CDK3: variants seen among roughly 807,000 people sequenced by gnomAD.
The protein encoded by CDK3 is cyclin-dependent kinase 3.
In CDK3, 24 loss-of-function variants were observed where a neutral mutation model predicts 30.2. The ratio of observed to expected loss-of-function variants is 0.79; its 90% CI spans 0.57 to 1.12. CDK3 has a LOEUF of 1.12. Among genes scored for constraint, CDK3 ranks in the 50% most tolerant of loss-of-function variants. The probability of loss-of-function intolerance (pLI) is 0.00; values close to 1 mark genes in which losing one functional copy is unlikely to be tolerated. For synonymous variants in CDK3, 158 were observed against 154.2 expected, an observed-to-expected ratio of 1.02 and a Z score of -0.18; for missense variants, 345 against 376.0, an observed-to-expected ratio of 0.92 and a Z score of 0.68.
At chr17:76,004,869 G>T (rs564058965) in intron 7 of CDK3, among the ~76,000 whole-genome samples, 1 of 152,172 alleles carries the variant, frequency 6.6e-6, no homozygotes, top group Non-Finnish European at 1.5e-5. Context: ...ACCACAGGGG[G>T]TCCTTCCACA....
In CDK3 at chr17:76,005,414, C is replaced by T; in HGVS notation, c.909C>T (p.Phe303=). The change falls in exon 8 of 8, where the codon TTC becomes TTT. Residue 303 remains phenylalanine, a synonymous_variant. Transcript: ENST00000448471. The surrounding 1 kb of genome is among the most constrained non-coding windows in gnomAD (Gnocchi z 4.7). ...PAARQYVLQR[F]RH ...CCCGCCAGTATGTGCTGCAGCGATT[C>T]CGCCATTGAGAATGTCAAGGCCACA... is the stretch of plus-strand genomic sequence containing the variant. 6.2e-7 allele frequency: 1 copy of T among 1,613,214 alleles called. No homozygotes were observed. Among genetic ancestry groups the T allele is most frequent in the Middle Eastern group, 1.7e-4 (1 of 6,054 alleles).
intron 7 of CDK3, among the ~76,000 whole-genome samples, chr17:76,004,161 T>C (rs956042127): frequency 1.3e-5 from 2 of 151,730 alleles, no homozygotes; most frequent in South Asian, 2.1e-4. Context: ...ACCCCTCCTG[T>C]TGGTGTCTTG....
Position 76,002,634 on chromosome 17 carries a change from G to T in CDK3, c.588+22G>T. On this transcript the variant is annotated intron_variant, in intron 6 of 7. Coordinates refer to ENST00000448471, the MANE Select transcript of CDK3 (RefSeq NM_001258.4). The surrounding 1 kb of genome is among the most constrained non-coding windows in gnomAD (Gnocchi z 4.3). ...GATGGTAGAGAGAGGGGCACACATG[G>T]CCACAGGGTGCCACAGGCAGGGTCC... 1 of 789,120 alleles carries T rather than the reference G, an allele frequency of 1.3e-6. No individual in the cohort carries two copies. Among genetic ancestry groups the T allele is most frequent in the Non-Finnish European group, 2.3e-6 (1 of 426,316 alleles). 48.9% of individuals were successfully genotyped at this position (789,120 alleles called of 1,614,324 possible).
chr17:76,001,423 G>T lies in CDK3; in HGVS notation c.-3G>T, dbSNP rs1281852191. The T allele has an allele frequency of 6.2e-7, 1 of 1,614,064 alleles. No homozygotes were observed. The highest frequency in any genetic ancestry group is 1.1e-5 in the South Asian group (1 of 91,084). ...CTTCTGTTTCCCAGGCAGCTCTGTGGCCATGGATATGTTCCAGAAGGTAGA... is the reference window on the plus strand; with the variant it reads ...CTTCTGTTTCCCAGGCAGCTCTGTGTCCATGGATATGTTCCAGAAGGTAGA... On this transcript the variant is annotated 5_prime_UTR_variant, in exon 2 of 8. Transcript: ENST00000448471. The surrounding 1 kb of genome is among the most constrained non-coding windows in gnomAD (Gnocchi z 6.2).
Position 76,005,739 on chromosome 17 carries a change from GCCCTGCCTGCA to G in CDK3, c.*317_*327del, listed in dbSNP as rs771397577. Reference sequence around the variant, plus strand: ...GGTGTGGGTATTCAGGCCCTCACCTGCCCTGCCTGCAGGGCCAGACCCTGAGGAAAGGGCGC... The same window carrying G: ...GGTGTGGGTATTCAGGCCCTCACCTGGGGCCAGACCCTGAGGAAAGGGCGC... On this transcript the variant is annotated 3_prime_UTR_variant, in exon 8 of 8. Coordinates refer to ENST00000448471, the MANE Select transcript of CDK3 (RefSeq NM_001258.4). The surrounding 1 kb of genome is among the most constrained non-coding windows in gnomAD (Gnocchi z 4.7). 3,658 of 276,276 alleles carry G rather than the reference GCCCTGCCTGCA, an allele frequency of 0.013. 52 individuals carry two copies. Among genetic ancestry groups the G allele is most frequent in the Middle Eastern group, 0.025 (22 of 880 alleles). 17.1% of individuals were successfully genotyped at this position (276,276 alleles called of 1,614,324 possible). A position where few individuals can be genotyped will look rare whatever the true frequency, so the allele number is the denominator to read the frequency against.
In CDK3 at chr17:76,002,156, G is replaced by A. The variant is rs1224425115; in HGVS notation, c.315+14G>A. ...CACCTCATCAAGGTAGGGAAGGAAG[G>A]GCAGGGAAGGAGAGGTGACACCCCA... On this transcript the variant is annotated intron_variant, in intron 4 of 7. Transcript: ENST00000448471. The surrounding 1 kb of genome is among the most constrained non-coding windows in gnomAD (Gnocchi z 4.3). 1.9e-6 allele frequency: 3 copies of A among 1,613,662 alleles called. No individual in the cohort carries two copies. Among genetic ancestry groups the A allele is most frequent in the Admixed American group, 3.3e-5 (2 of 59,982 alleles).
chr17:76,001,482 C>T lies in CDK3; in HGVS notation c.57C>T (p.Tyr19=). The T allele has an allele frequency of 2.5e-6, 4 of 1,614,082 alleles. No homozygotes were observed. Among genetic ancestry groups the T allele is most frequent in the Non-Finnish European group, 3.4e-6 (4 of 1,179,950 alleles). The change falls in exon 2 of 8, where the codon TAC becomes TAT. Residue 19 remains tyrosine, a synonymous_variant. Coordinates refer to ENST00000448471, the MANE Select transcript of CDK3 (RefSeq NM_001258.4). This position sits in a 1 kb window ranked among gnomAD's most constrained non-coding sequence, Gnocchi z 6.2. ...KIGEGTYGVV[Y]KAKNRETGQL... is the part of the protein sequence containing the mutation. ...GAGAGGGCACCTATGGGGTGGTGTA[C>T]AAGGCCAAGAACAGGGAGACAGGGC...
intron 7 of CDK3, 71 bp downstream of exon 7, chr17:76,003,469 C>A: frequency 7.6e-7 from 1 of 1,319,334 alleles, no homozygotes; most frequent in Non-Finnish European, 1.1e-6. Flanking sequence ...CTTACATAAC[C>A]CTGGCACTTT....
chr17:76,001,200 G>A lies in CDK3; in HGVS notation c.-14-212G>A. On this transcript the variant is annotated intron_variant, in intron 1 of 7. Transcript: ENST00000448471. This position sits in a 1 kb window ranked among gnomAD's most constrained non-coding sequence, Gnocchi z 6.2. Reference sequence around the variant, plus strand: ...GTGAAGGGGGCCCCCTGACCCCCTTGGGGTCCGGGCTGGGCTGGGTGAGGG... The same window carrying A: ...GTGAAGGGGGCCCCCTGACCCCCTTAGGGTCCGGGCTGGGCTGGGTGAGGG... 7.2e-7 allele frequency: 1 copy of A among 1,393,944 alleles called. No homozygotes were observed. Among genetic ancestry groups the A allele is most frequent in the Non-Finnish European group, 9.3e-7 (1 of 1,073,186 alleles). The allele number at this position is 1,393,944 out of a possible 1,614,324, so 86.3% of individuals were successfully genotyped here.
intron 7 of CDK3, chr17:76,004,459 G>A (rs2066292899): frequency 6.6e-6 from 1 of 151,996 alleles, no homozygotes; most frequent in Non-Finnish European, 1.5e-5. Context: ...GGGCTCAATT[G>A]ATCCTCCCAC....
rs556171163 is a variant in CDK3, at chr17:76,002,043, C to T, written c.216C>T (p.Asn72=). ...NIVRLLDVVH[N]ERKLYLVFEF... is the part of the protein sequence containing the mutation. ...TCAGACTGCTGGACGTGGTGCACAA[C>T]GAGAGGAAGCTCTATCTGGTGTTTG... is the stretch of plus-strand genomic sequence containing the variant. Residue 72 remains asparagine, a synonymous_variant, in exon 4 of 8, where the codon AAC becomes AAT. Transcript: ENST00000448471. This position sits in a 1 kb window ranked among gnomAD's most constrained non-coding sequence, Gnocchi z 4.3. 74 of 1,613,924 alleles carry T rather than the reference C, an allele frequency of 4.6e-5. No individual in the cohort carries two copies. The East Asian group carries it at 7.4e-4, about 16-fold the overall frequency.
Position 76,001,879 on chromosome 17 carries a change from TGGAG to T in CDK3, c.125_128del (p.Glu42GlyfsTer16). The T allele has an allele frequency of 1.2e-6, 2 of 1,612,860 alleles. No homozygotes were observed. Among genetic ancestry groups the T allele is most frequent in the Non-Finnish European group, 1.7e-6 (2 of 1,179,114 alleles). The stretch of plus-strand genomic sequence containing the variant: ...TGTGCCCTTGTTTCTTGCAGGGAGA[TGGAG>T]GGGGTCCCAAGCACTGCCATCAGGG... On this transcript the variant is annotated frameshift_variant, in exon 3 of 8. Coordinates refer to ENST00000448471, the MANE Select transcript of CDK3 (RefSeq NM_001258.4). LOFTEE classifies it high-confidence loss of function. This position sits in a 1 kb window ranked among gnomAD's most constrained non-coding sequence, Gnocchi z 6.2.
Position 76,001,069 on chromosome 17 carries a change from G to C in CDK3, c.-15+102G>C. The stretch of plus-strand genomic sequence containing the variant: ...CGAGGGGTGGTCTCTGACTTCCTGG[G>C]GGTTCTGGCTGGGATGGGCAGGGGG... On this transcript the variant is annotated intron_variant, in intron 1 of 7. Coordinates refer to ENST00000448471, the MANE Select transcript of CDK3 (RefSeq NM_001258.4). The surrounding 1 kb of genome is among the most constrained non-coding windows in gnomAD (Gnocchi z 6.2). 8.6e-7 allele frequency: 1 copy of C among 1,163,188 alleles called. No individual in the cohort carries two copies. Among genetic ancestry groups the C allele is most frequent in the Non-Finnish European group, 1.1e-6 (1 of 932,576 alleles). The allele number at this position is 1,163,188 out of a possible 1,614,324, so 72.1% of individuals were successfully genotyped here.
rs775212671 is a variant in CDK3, at chr17:76,001,889, C to T, written c.132C>T (p.Val44=). The T allele has an allele frequency of 6.8e-6, 11 of 1,613,410 alleles. No homozygotes were observed. Among genetic ancestry groups the T allele is most frequent in the East Asian group, 6.7e-5 (3 of 44,832 alleles). The part of the protein sequence containing the change: ...KIRLDLEMEG[V]PSTAIREISL... ...TTTCTTGCAGGGAGATGGAGGGGGT[C>T]CCAAGCACTGCCATCAGGGAGATCT... is the stretch of plus-strand genomic sequence containing the variant. Residue 44 remains valine (V), a synonymous_variant, in exon 3 of 8, where the codon GTC becomes GTT. Transcript: ENST00000448471. The surrounding 1 kb of genome is among the most constrained non-coding windows in gnomAD (Gnocchi z 6.2).
Position 76,002,134 on chromosome 17 carries a change from C to T in CDK3, c.307C>T (p.Leu103Phe). 1 of 1,614,066 alleles carries T rather than the reference C, an allele frequency of 6.2e-7. No individual in the cohort carries two copies. The highest frequency in any genetic ancestry group is 8.5e-7 in the Non-Finnish European group (1 of 1,179,984). Residue 103 changes from leucine to phenylalanine, a missense_variant, in exon 4 of 8, where the codon CTC becomes TTC. Physicochemically the swap from Leu to Phe is conservative, Grantham distance 22 (BLOSUM62 0). Coordinates refer to ENST00000448471, the MANE Select transcript of CDK3 (RefSeq NM_001258.4). The surrounding 1 kb of genome is among the most constrained non-coding windows in gnomAD (Gnocchi z 4.3). The part of the protein sequence containing the change: ...STPGSELPLH[L>F]IKSYLFQLLQ... ...CCCAGGCTCAGAGCTCCCCCTGCAC[C>T]TCATCAAGGTAGGGAAGGAAGGGCA...
In CDK3 at chr17:76,003,355, A is replaced by G. The variant is rs2066279024; in HGVS notation, c.749A>G (p.Glu250Gly). 1 of 1,613,824 alleles carries G rather than the reference A, an allele frequency of 6.2e-7. No individual in the cohort carries two copies. The highest frequency in any genetic ancestry group is 1.1e-5 in the South Asian group (1 of 91,070). Residue 250 changes from glutamate (E) to glycine (G), a missense_variant, in exon 7 of 8, where the codon GAG (glutamate) becomes GGG (glycine). Physicochemically the swap from Glu to Gly is moderately conservative, Grantham distance 98. Transcript: ENST00000448471. ...AAGTGGACCAGGAAGGGACTGGAAG[A>G]GATTGTGCCCAATCTGGAGCCAGAG... ...FPKWTRKGLE[E>G]IVPNLEPEGR...
chr17:76,000,872 G>A lies in CDK3; in HGVS notation c.-110G>A. ...TGGCTTTAAGACCCTCCTGACCCCT[G>A]ACCTCTGCCCCCAGTGGCCCTGGCC... On this transcript the variant is annotated 5_prime_UTR_variant, in exon 1 of 8. Transcript: ENST00000448471. This position sits in a 1 kb window ranked among gnomAD's most constrained non-coding sequence, Gnocchi z 5.9. 1 of 1,044,560 alleles carries A rather than the reference G, an allele frequency of 9.6e-7. No individual in the cohort carries two copies. Among genetic ancestry groups the A allele is most frequent in the Non-Finnish European group, 1.2e-6 (1 of 865,690 alleles). The allele number at this position is 1,044,560 out of a possible 1,614,324, so 64.7% of individuals were successfully genotyped here. A position where few individuals can be genotyped will look rare whatever the true frequency, so the allele number is the denominator to read the frequency against.
chr17:76,001,039 C>T lies in CDK3; in HGVS notation c.-15+72C>T. The stretch of plus-strand genomic sequence containing the variant: ...GCCTGGGGGTCCATGTTGGGCTGGG[C>T]TGGGCGAGGGGTGGTCTCTGACTTC... On this transcript the variant is annotated intron_variant, in intron 1 of 7. Transcript: ENST00000448471. This position sits in a 1 kb window ranked among gnomAD's most constrained non-coding sequence, Gnocchi z 6.2. 8.7e-7 allele frequency: 1 copy of T among 1,150,726 alleles called. No individual in the cohort carries two copies. Among genetic ancestry groups the T allele is most frequent in the Non-Finnish European group, 1.1e-6 (1 of 924,522 alleles). The allele number at this position is 1,150,726 out of a possible 1,614,324, so 71.3% of individuals were successfully genotyped here.
intron 7 of CDK3, among the ~76,000 whole-genome samples, chr17:76,003,641 G>A (rs2066282340): frequency 6.6e-6 from 1 of 152,216 alleles, no homozygotes; most frequent in Non-Finnish European, 1.5e-5. Context: ...TGTGCTACAC[G>A]CCCTTTTTCC....
Sources: allele counts gnomAD v4.1 joint callset (sites outside exome capture counted in the v4.1 genomes callset), GRCh38; gene constraint gnomAD v4.1.1; non-coding constraint Gnocchi (gnomAD v3.1); transcripts MANE v1.5; gene names NCBI Gene and HGNC (gene_info 2026-07-23, HGNC 2026-07-21).